FRMD6: variants seen among roughly 807,000 people sequenced by gnomAD.
The protein encoded by FRMD6 is FERM domain containing 6, also known as FERM domain-containing protein 6.
In FRMD6, 37 loss-of-function variants were observed where a neutral mutation model predicts 73.2. The ratio of observed to expected loss-of-function variants is 0.51; its 90% CI spans 0.39 to 0.66. The LOEUF (loss-of-function observed/expected upper bound fraction) is 0.66. FRMD6 is among the 30% of genes least tolerant of loss of function. FRMD6 has a pLI of 0.00. For synonymous variants in FRMD6, 273 were observed against 282.2 expected, an observed-to-expected ratio of 0.97 and a Z score of 0.33; for missense variants, 714 against 780.5, an observed-to-expected ratio of 0.91 and a Z score of 1.02.
At chr14:51,491,817 C>G (rs17124009) in intron 1 of FRMD6, among the ~76,000 whole-genome samples, 2 of 152,096 alleles carry the variant, frequency 1.3e-5, no homozygotes, top group Non-Finnish European at 2.9e-5. Context: ...CTCTGTGAGG[C>G]GGACACTTAG....
the FRMD6 span, among the ~76,000 whole-genome samples, chr14:51,469,460 A>C: frequency 6.6e-6 from 1 of 150,718 alleles, no homozygotes; most frequent in East Asian, 2.0e-4. Context: ...AAAAATACAA[A>C]AACTTAGCCG....
At position 51,580,354 on chromosome 14, in the gene FRMD6, C is replaced by A. The variant is rs114543229; in HGVS notation, c.-147+9944C>A. ...AGTATCAGCAATAATAATTTAGTAG[C>A]AGAATTGCAAACACCTATGAGCACT... On this transcript the variant is annotated intron_variant, in intron 2 of 14. Transcript: ENST00000356218. 5.3e-3 allele frequency among the ~76,000 whole-genome samples: 802 copies of A among 152,256 alleles called. 10 individuals are homozygous for A. The highest frequency in any genetic ancestry group is 0.019 in the African/African-American group (771 of 41,522).
intron 2 of FRMD6, among the ~76,000 whole-genome samples, chr14:51,641,118 T>C (rs1891790840): frequency 6.6e-6 from 1 of 152,064 alleles, no homozygotes; most frequent in Non-Finnish European, 1.5e-5. Flanking sequence ...TTATAGGCGA[T>C]GCCACCACAC....
At chr14:51,654,305 T>TTG (rs1555331550) in intron 1 of FRMD6, among the ~76,000 whole-genome samples, 1 of 121,958 alleles carries the variant, frequency 8.2e-6, no homozygotes, top group East Asian at 2.5e-4. Context: ...TTAGCTGAAT[T>TTG]GGGGGGGGGG....
rs79336776 is a variant in FRMD6, at chr14:51,597,023, G to A, written c.-147+26613G>A. Among the ~76,000 whole-genome samples, 6 of 152,236 alleles carry A rather than the reference G, an allele frequency of 3.9e-5. No homozygotes were observed. In the East Asian group the frequency reaches 1.2e-3, roughly 29 times the overall value. ...ATTTTATAAATATGCAATTTTATAGGAGCCTGATTGCAATGTGTCAAAGAG... is the reference window on the plus strand; with the variant it reads ...ATTTTATAAATATGCAATTTTATAGAAGCCTGATTGCAATGTGTCAAAGAG... On this transcript the variant is annotated intron_variant, in intron 2 of 14. Transcript: ENST00000356218.
intron 2 of FRMD6, chr14:51,599,743 CTT>C (rs1889932428): frequency 1.3e-5 from 2 of 151,916 alleles, no homozygotes; most frequent in Non-Finnish European, 2.9e-5. Flanking sequence ...AGTTCTGGCT[CTT>C]TTTTCTTCAA....
intron 1 of FRMD6, among the ~76,000 whole-genome samples, chr14:51,564,596 T>C (rs898912455): frequency 1.3e-5 from 2 of 152,056 alleles, no homozygotes; most frequent in African/African-American, 2.4e-5. Context: ...CTCAGAATAA[T>C]AGGTGGTTTA....
chr14:51,593,864 CAT>C (rs1357409976), intron 2 of FRMD6, among the ~76,000 whole-genome samples: 3 of 151,918 alleles, frequency 2.0e-5, no homozygotes, highest in Admixed American at 6.6e-5. Flanking sequence ...CACACACACA[CAT>C]ATATATGTAT....
intron 1 of FRMD6, among the ~76,000 whole-genome samples, chr14:51,669,891 C>CCT (rs1893877075): frequency 4.0e-5 from 6 of 149,534 alleles, no homozygotes; most frequent in African/African-American, 1.5e-4. Flanking sequence ...CTAAGAAAAC[C>CCT]AGGGCAACAA....
chr14:51,524,436 C>A (rs8014586), intron 1 of FRMD6, among the ~76,000 whole-genome samples: 1 of 151,654 alleles, frequency 6.6e-6, no homozygotes, highest in Admixed American at 6.6e-5. Flanking sequence ...TTGCGGGGAG[C>A]GGGACCTCTG....
chr14:51,558,814 T>G (rs1359788531), intron 1 of FRMD6, among the ~76,000 whole-genome samples: 1 of 152,216 alleles, frequency 6.6e-6, no homozygotes. Flanking sequence ...TATTCTTCAC[T>G]GTCAGGATGC....
chr14:51,728,311 A>G lies in FRMD6; in HGVS notation c.*282A>G, dbSNP rs1898096843. The G allele has an allele frequency of 2.9e-6, 1 of 348,314 alleles. No individual in the cohort carries two copies. The allele number at this position is 348,314 out of a possible 1,614,324, so 21.6% of individuals were successfully genotyped here. ...TTACTGATTGCAAAGCCTTCAGAAT[A>G]TTGGAGTGTGGTGTGTTTGCTCATC... On this transcript the variant is annotated 3_prime_UTR_variant, in exon 14 of 14. Transcript: ENST00000344768.
At chr14:51,513,344 A>T (rs1037744564) in intron 1 of FRMD6, among the ~76,000 whole-genome samples, 9 of 152,350 alleles carry the variant, frequency 5.9e-5, no homozygotes, top group Admixed American at 3.9e-4. Flanking sequence ...ACATTGGGTG[A>T]CTGTTGCCTC....
intron 1 of FRMD6, among the ~76,000 whole-genome samples, chr14:51,667,006 G>A (rs58134833): frequency 0.023 from 3,524 of 152,128 alleles, 138 homozygotes; most frequent in African/African-American, 0.081. Flanking sequence ...GTGGTGATGC[G>A]TGCCTGTGGT....
intron 11 of FRMD6, among the ~76,000 whole-genome samples, chr14:51,721,570 A>G (rs1224384916): frequency 1.3e-5 from 2 of 148,674 alleles, no homozygotes; most frequent in Non-Finnish European, 3.0e-5. Flanking sequence ...AGATCACACC[A>G]CTCCAGCCTG....
At chr14:51,464,172 A>G in the FRMD6 span, among the ~76,000 whole-genome samples, 1,216 of 152,318 alleles carry the variant, frequency 8.0e-3, 15 homozygotes, top group African/African-American at 0.028. Context: ...ACTCAACTCT[A>G]AAGATAGTGA....
the FRMD6 span, among the ~76,000 whole-genome samples, chr14:51,441,893 ACTT>A: frequency 6.6e-6 from 1 of 152,220 alleles, no homozygotes; most frequent in South Asian, 2.1e-4. Flanking sequence ...ATTATATACT[ACTT>A]AATGACATAA....
chr14:51,441,164 C>T, the FRMD6 span, among the ~76,000 whole-genome samples: 1 of 152,224 alleles, frequency 6.6e-6, no homozygotes, highest in Admixed American at 6.5e-5. Context: ...CCTTCTGCAG[C>T]CAGAGGGCGG....
In FRMD6 at chr14:51,530,455, T is replaced by C. The variant is rs541760301; in HGVS notation, c.-209-39893T>C. Among the ~76,000 whole-genome samples, 16 of 152,314 alleles carry C rather than the reference T, an allele frequency of 1.1e-4. No individual in the cohort carries two copies. In the East Asian group the frequency reaches 2.9e-3, roughly 27 times the overall value. ...TAAAAGTGTGTTGCATCTACCTCAA[T>C]ATATTTATTTATTTGTGAGTTACTA... On this transcript the variant is annotated intron_variant, in intron 1 of 14. Coordinates refer to the FRMD6 transcript ENST00000356218.
Sources: gnomAD v4.1 joint callset for allele counts (sites outside exome capture counted in the v4.1 genomes callset) on GRCh38, gnomAD v4.1.1 for gene constraint, MANE v1.5 for transcripts, NCBI Gene and HGNC (gene_info 2026-07-23, HGNC 2026-07-21) for gene names.